PROZ: variants seen among roughly 807,000 people sequenced by gnomAD.
The protein encoded by PROZ is protein Z, vitamin K dependent plasma glycoprotein.
PROZ carries 46 observed loss-of-function variants against 34.9 expected under a neutral mutation model. The ratio of observed to expected loss-of-function variants is 1.32; its 90% CI spans 1.04 to 1.69. The LOEUF is 1.69. Ranked by LOEUF, PROZ falls within the 40% of genes most tolerant of loss-of-function variation. The pLI, the probability that PROZ is intolerant of heterozygous loss-of-function variation, is 0.00. For missense variants in PROZ, 530 were observed against 520.4 expected (o/e 1.02, Z -0.18); for synonymous variants, 195 against 208.5 (o/e 0.94, Z 0.56).
intron 6 of PROZ, among the ~76,000 whole-genome samples, chr13:113,170,165 C>T (rs1337109069): frequency 6.6e-6 from 1 of 152,176 alleles, no homozygotes; most frequent in African/African-American, 2.4e-5. Context: ...TGTTACTTCA[C>T]CTGGGCCGAA....
Position 113,165,100 on chromosome 13 carries a change from C to A in PROZ, c.553C>A (p.Leu185Ile). Residue 185 changes from leucine (L) to isoleucine (I), a missense_variant, in exon 6 of 8, where the codon CTA becomes ATA. Coordinates refer to ENST00000375547, the MANE Select transcript of PROZ (RefSeq NM_003891.3). ...GACCTCTGAGAAGCGTGCACCGGAT[C>A]TACAGGACCTCCCGTGGCAGGTAAC... ...VLTSEKRAPDLQDLPWQVKLT... is the reference protein window; with the variant it reads ...VLTSEKRAPDIQDLPWQVKLT... The A allele has an allele frequency of 1.2e-6, 2 of 1,612,468 alleles. No individual in the cohort carries two copies. The highest frequency in any genetic ancestry group is 8.5e-7 in the Non-Finnish European group (1 of 1,179,998).
rs2036793474 is a variant in PROZ, at chr13:113,163,089, TC to T, written c.345del (p.Gly116AlafsTer61). 6.4e-7 allele frequency: 1 copy of T among 1,557,176 alleles called. No individual in the cohort carries two copies. ...DSIWGYTCTC[S>X]PGYEGSNCEL... ...CATCTGGGGCTACACCTGCACCTGC[TC>T]CCCCGGCTATGAGGGCAGCAACTGC... On this transcript the variant is annotated frameshift_variant, in exon 4 of 8. Coordinates refer to ENST00000375547, the MANE Select transcript of PROZ (RefSeq NM_003891.3). LOFTEE classifies it high-confidence loss of function.
At chr13:113,170,306 T>A (rs983584762) in intron 6 of PROZ, 107 bp from the exon 7 acceptor site, 1 of 499,788 alleles carries the variant, frequency 2.0e-6, no homozygotes, top group Admixed American at 3.2e-5. Flanking sequence ...TGGCGGGGGG[T>A]GGGGGTGGGG....
At chr13:113,162,843 A>ACCT (rs1469431166) in intron 3 of PROZ, among the ~76,000 whole-genome samples, 166 bp from the exon 4 acceptor site, 1 of 82,480 alleles carries the variant, frequency 1.2e-5, no homozygotes, top group Non-Finnish European at 2.4e-5. Context: ...TGTTCCTGTC[A>ACCT]CCCCACCCTC....
rs374235742 is a variant in PROZ, at chr13:113,158,716, G to C, written c.56G>C (p.Arg19Pro). The change falls in exon 1 of 8, where the codon CGT (arginine) becomes CCT (proline). Residue 19 changes from arginine to proline, a missense_variant. By Grantham distance (103) the Arg-to-Pro change is moderately radical (BLOSUM62 -2). Transcript: ENST00000375547. This position sits in a 1 kb window ranked among gnomAD's most constrained non-coding sequence, Gnocchi z 4.3. ...CTGGTCCTGGTCCTCGCCCTCCATC[G>C]TGTGGAGCCCTCAGGTAGGCATCTG... ...QGLVLVLALHRVEPSVFLPAS... is the reference protein window; with the variant it reads ...QGLVLVLALHPVEPSVFLPAS... The C allele has an allele frequency of 3.1e-6, 5 of 1,605,492 alleles. No individual in the cohort carries two copies. Among genetic ancestry groups the C allele is most frequent in the Non-Finnish European group, 4.2e-6 (5 of 1,176,520 alleles).
Position 113,171,603 on chromosome 13 carries a change from G to A in PROZ, c.701G>A (p.Arg234Lys), listed in dbSNP as rs547575254. Reference protein sequence around the residue: ...RNITVKTYFNRTSQDPLMIKI... With the variant: ...RNITVKTYFNKTSQDPLMIKI... ...TTGTTCATGATTTCAGATTTTAACA[G>A]AACGAGCCAAGACCCGCTGATGATC... is the stretch of plus-strand genomic sequence containing the variant. The change falls in exon 8 of 8, where the codon AGA becomes AAA. Residue 234 changes from arginine (R) to lysine (K), a missense_variant. Arg to Lys is a conservative substitution (Grantham distance 26, BLOSUM62 2). Transcript: ENST00000375547. This position sits in a 1 kb window ranked among gnomAD's most constrained non-coding sequence, Gnocchi z 5.1. 6 of 1,614,122 alleles carry A rather than the reference G, an allele frequency of 3.7e-6. No homozygotes were observed. In the East Asian group the frequency reaches 1.3e-4, roughly 36 times the overall value.
chr13:113,163,811 C>T (rs1176887594), intron 4 of PROZ, among the ~76,000 whole-genome samples: 1 of 151,812 alleles, frequency 6.6e-6, no homozygotes, highest in Non-Finnish European at 1.5e-5. Flanking sequence ...GCTCAGCCAC[C>T]ACCGATGTCA....
intron 6 of PROZ, chr13:113,165,333 C>T (rs2036895228): frequency 1.6e-6 from 1 of 642,502 alleles, no homozygotes; most frequent in African/African-American, 1.8e-5. Context: ...TTACAGCCCC[C>T]AAGACCTTTC....
Position 113,163,136 on chromosome 13 carries a change from C to G in PROZ, c.373+14C>G. On this transcript the variant is annotated intron_variant, in intron 4 of 7. Coordinates refer to ENST00000375547, the MANE Select transcript of PROZ (RefSeq NM_003891.3). The stretch of plus-strand genomic sequence containing the variant: ...ACTGCGAGCTGGGTGAGGCCCCGGC[C>G]GTCCCCTTCCCCCAAGGGCCTCCCT... The G allele has an allele frequency of 6.5e-7, 1 of 1,538,806 alleles. No individual in the cohort carries two copies. Among genetic ancestry groups the G allele is most frequent in the East Asian group, 2.4e-5 (1 of 40,860 alleles).
rs111388119 is a variant in PROZ, at chr13:113,167,581, C to A, written c.573+2461C>A. On this transcript the variant is annotated intron_variant, in intron 6 of 7. Coordinates refer to ENST00000375547, the MANE Select transcript of PROZ (RefSeq NM_003891.3). ...CCCCTTTGTCTGATATTGATATAGACACTTTACTTTCTAATTATTAGTGTT... is the reference window on the plus strand; with the variant it reads ...CCCCTTTGTCTGATATTGATATAGAAACTTTACTTTCTAATTATTAGTGTT... 3.3e-5 allele frequency among the ~76,000 whole-genome samples: 5 copies of A among 152,308 alleles called. 1 individual carries two copies. Among genetic ancestry groups the A allele is most frequent in the African/African-American group, 1.2e-4 (5 of 41,566 alleles).
intron 7 of PROZ, among the ~76,000 whole-genome samples, chr13:113,170,780 C>T (rs2037087625): frequency 1.3e-5 from 2 of 152,040 alleles, no homozygotes; most frequent in African/African-American, 4.8e-5. Flanking sequence ...ATAAGGATGA[C>T]TTCATTTCCC....
In PROZ at chr13:113,171,952, C is replaced by A; in HGVS notation, c.1050C>A (p.His350Gln). The change falls in exon 8 of 8, where the codon CAC becomes CAA. Residue 350 changes from histidine to glutamine, a missense_variant. His to Gln is a conservative substitution (Grantham distance 24, BLOSUM62 0). Transcript: ENST00000375547. This position sits in a 1 kb window ranked among gnomAD's most constrained non-coding sequence, Gnocchi z 5.1. ...AGAGAAGCAGCGTGGCGGCCATGCA[C>A]TGGATGGATGGAAGTGTGGTCACCA... ...YCERSSVAAM[H>Q]WMDGSVVTRE... The A allele has an allele frequency of 1.9e-6, 3 of 1,613,646 alleles. No individual in the cohort carries two copies. The highest frequency in any genetic ancestry group is 2.5e-6 in the Non-Finnish European group (3 of 1,180,042).
Position 113,171,453 on chromosome 13 carries a change from TCCACA to T in PROZ, c.692-136_692-132del, listed in dbSNP as rs1003362381. 8.2e-6 allele frequency: 8 copies of T among 975,456 alleles called. No homozygotes were observed. The highest frequency in any genetic ancestry group is 1.2e-5 in the Non-Finnish European group (8 of 649,716). 60.4% of individuals were successfully genotyped at this position (975,456 alleles called of 1,614,324 possible). On this transcript the variant is annotated intron_variant, in intron 7 of 7. Transcript: ENST00000375547. This position sits in a 1 kb window ranked among gnomAD's most constrained non-coding sequence, Gnocchi z 5.1. ...TTTCTGTCCGCAGAAAGGCACAGTG[TCCACA>T]CCACGGGGCGGTGAGCCTGCGGGTC...
chr13:113,160,875 A>T, intron 2 of PROZ, 73 bp from the exon 3 acceptor site: 1 of 1,322,352 alleles, frequency 7.6e-7, no homozygotes. Flanking sequence ...TCTTACCTTC[A>T]AGTTCATCTA....
chr13:113,165,068 G>A lies in PROZ; in HGVS notation c.521G>A (p.Gly174Glu), dbSNP rs2036884103. 3 of 1,613,382 alleles carry A rather than the reference G, an allele frequency of 1.9e-6. No homozygotes were observed. The highest frequency in any genetic ancestry group is 2.5e-6 in the Non-Finnish European group (3 of 1,180,018). ...QCVPHDQCAC[G>E]VLTSEKRAPD... ...GCAAATGCAGACCAGTGTGCCTGCG[G>A]GGTGCTGACCTCTGAGAAGCGTGCA... Residue 174 changes from glycine (G) to glutamate (E), a missense_variant, in exon 6 of 8, where the codon GGG (glycine) becomes GAG (glutamate). By Grantham distance (98) the Gly-to-Glu change is moderately conservative. Transcript: ENST00000375547.
intron 6 of PROZ, among the ~76,000 whole-genome samples, chr13:113,169,176 T>C (rs756236762): frequency 8.5e-5 from 13 of 152,250 alleles, no homozygotes; most frequent in Non-Finnish European, 1.2e-4. Context: ...TGTTTTACTT[T>C]TGATAGTTTC....
At chr13:113,160,304 A>T in intron 2 of PROZ, 127 bp downstream of exon 2, 3 of 1,211,956 alleles carry the variant, frequency 2.5e-6, no homozygotes, top group Non-Finnish European at 3.6e-6. Flanking sequence ...GGTTGACACA[A>T]TCCCAGTTTT....
chr13:113,165,806 C>T (rs946350787), intron 6 of PROZ, among the ~76,000 whole-genome samples: 4 of 152,216 alleles, frequency 2.6e-5, no homozygotes, highest in African/African-American at 2.4e-5. Flanking sequence ...GCTGGGATTA[C>T]AGGCGTGAGC....
At position 113,171,219 on chromosome 13, in the gene PROZ, G is replaced by A. The variant is rs996853792; in HGVS notation, c.692-375G>A. Among the ~76,000 whole-genome samples the A allele has an allele frequency of 9.2e-5, 14 of 152,132 alleles. No individual in the cohort carries two copies. Among genetic ancestry groups the A allele is most frequent in the Non-Finnish European group, 1.2e-4 (8 of 68,044 alleles). On this transcript the variant is annotated intron_variant, in intron 7 of 7. Transcript: ENST00000375547. This position sits in a 1 kb window ranked among gnomAD's most constrained non-coding sequence, Gnocchi z 5.1. ...ATTACAGATGTGAGCCACTGTGCCTGGCCCTTAAATATTTTTCAATCAACA... is the reference window on the plus strand; with the variant it reads ...ATTACAGATGTGAGCCACTGTGCCTAGCCCTTAAATATTTTTCAATCAACA...
Sources: gnomAD v4.1 joint callset for allele counts (sites outside exome capture counted in the v4.1 genomes callset) on GRCh38, gnomAD v4.1.1 for gene constraint, Gnocchi (gnomAD v3.1) non-coding constraint, MANE v1.5 for transcripts, NCBI Gene and HGNC (gene_info 2026-07-23, HGNC 2026-07-21) for gene names.